Variants in DVL1 observed in about 807,000 individuals in gnomAD.
The protein encoded by DVL1 is segment polarity protein dishevelled homolog DVL-1.
DVL1 carries 49 observed loss-of-function variants against 65.0 expected under a neutral mutation model. The observed-to-expected ratio is 0.75, with a 90% CI of 0.60 to 0.96. DVL1 has a LOEUF of 0.96. Among genes scored for constraint, DVL1 ranks in the 40% least tolerant of loss-of-function variants. DVL1 has a pLI of 0.00. For synonymous variants in DVL1, 608 were observed against 433.9 expected (o/e 1.40, Z -4.99); for missense variants, 1,197 against 1,045.4 (o/e 1.15, Z -2.00).
chr1:1,339,502 A>G lies in DVL1; in HGVS notation c.1055-63T>C, dbSNP rs1569696751. ...TGGACAGGGTGGGAGGGCAGGGTGC[A>G]GGGCACAGAGGAGAGAGGCCTTCAG... On this transcript the variant is annotated intron_variant, in intron 10 of 14. Transcript: ENST00000378888. The G allele has an allele frequency of 2.6e-6, 4 of 1,546,842 alleles. No homozygotes were observed. The South Asian group carries it at 4.8e-5, about 18-fold the overall frequency.
chr1:1,338,760 A>G (rs1350599295), intron 11 of DVL1, 107 bp from the exon 12 acceptor site: 2 of 1,471,320 alleles, frequency 1.4e-6, no homozygotes, highest in South Asian at 2.7e-5. Context: ...CCAGGGCGCA[A>G]GCTGGACGGT....
intron 13 of DVL1, 34 bp downstream of exon 13, chr1:1,338,235 C>CCCCCCCCCCCCAA: frequency 1.3e-6 from 2 of 1,517,860 alleles, no homozygotes; most frequent in Non-Finnish European, 1.8e-6. Context: ...GCGTTCCCCT[C>CCCCCCCCCCCCAA]CCCCCCGCCC....
chr1:1,348,822 C>A, intron 1 of DVL1, 74 bp downstream of exon 1: 1 of 1,345,494 alleles, frequency 7.4e-7, no homozygotes, highest in African/African-American at 1.6e-5. Flanking sequence ...TCAGGACCCC[C>A]GCCCCGTCCC....
In DVL1 at chr1:1,340,116, G is replaced by A. The variant is rs775197227; in HGVS notation, c.831C>T (p.Gly277=). The A allele has an allele frequency of 1.9e-5, 31 of 1,613,508 alleles. 1 individual carries two copies. The highest frequency in any genetic ancestry group is 1.6e-4 in the South Asian group (15 of 91,088). The change falls in exon 8 of 15, where the codon GGC becomes GGT. Residue 277 remains glycine (G), a synonymous_variant. Coordinates refer to ENST00000378888, the MANE Select transcript of DVL1 (RefSeq NM_001330311.2). ...VGQSNDRGDG[G]IYIGSIMKGG... is the part of the protein sequence containing the mutation. ...CCTTCATGATGGAGCCAATGTAGAT[G>A]CCGCCGTCTCCACGGTCGTTGCTCT...
intron 11 of DVL1, among the ~76,000 whole-genome samples, chr1:1,338,918 G>C (rs927249339): frequency 1.3e-5 from 2 of 152,242 alleles, no homozygotes; most frequent in African/African-American, 4.8e-5. Context: ...CCACCCTGCA[G>C]ACCAGGAAGT....
At chr1:1,344,063 G>A (rs188973220) in intron 1 of DVL1, among the ~76,000 whole-genome samples, 1 of 152,236 alleles carries the variant, frequency 6.6e-6, no homozygotes, top group Non-Finnish European at 1.5e-5. Flanking sequence ...AGAGGGGATG[G>A]CTGGGCAGGG....
Position 1,339,595 on chromosome 1 carries a change from G to A in DVL1, c.1041C>T (p.Phe347=). The part of the protein sequence containing the change: ...KCWDPTPRSY[F]TVPRADPVRP... Reference sequence around the variant, plus strand: ...AGGGCCACTCACCCCGTGGGACGGTGAAGTAGCTTCGGGGCGTTGGGTCCC... The same window carrying A: ...AGGGCCACTCACCCCGTGGGACGGTAAAGTAGCTTCGGGGCGTTGGGTCCC... Residue 347 remains phenylalanine, a synonymous_variant, in exon 10 of 15, where the codon TTC becomes TTT. Transcript: ENST00000378888. 1 of 1,607,496 alleles carries A rather than the reference G, an allele frequency of 6.2e-7. No homozygotes were observed. Among genetic ancestry groups the A allele is most frequent in the South Asian group, 1.1e-5 (1 of 90,640 alleles).
chr1:1,347,677 C>T (rs1011166558), intron 1 of DVL1, among the ~76,000 whole-genome samples: 3 of 152,242 alleles, frequency 2.0e-5, no homozygotes, highest in Non-Finnish European at 2.9e-5. Context: ...AGCCCAGGCC[C>T]AGAGAAGCAG....
At position 1,337,777 on chromosome 1, in the gene DVL1, G is replaced by A. The variant is rs1188743376; in HGVS notation, c.1714+200C>T. The A allele has an allele frequency of 8.5e-6, 6 of 704,686 alleles. No homozygotes were observed. In the South Asian group the frequency reaches 9.0e-5, roughly 11 times the overall value. 43.7% of individuals were successfully genotyped at this position (704,686 alleles called of 1,614,324 possible). On this transcript the variant is annotated intron_variant, in intron 14 of 14. Coordinates refer to ENST00000378888, the MANE Select transcript of DVL1 (RefSeq NM_001330311.2). ...CCCTGGCACTTGCCTTTTCCAGAAG[G>A]AGCCCACCCAGGGCCCAAGTACACA...
intron 8 of DVL1, 34 bp from the exon 9 acceptor site, chr1:1,339,846 G>A (rs1467522951): frequency 1.3e-6 from 2 of 1,516,856 alleles, no homozygotes; most frequent in East Asian, 2.5e-5. Flanking sequence ...GTGCAGGCAG[G>A]ATGTGCAGCT....
At chr1:1,341,637 G>T in intron 5 of DVL1, 30 bp downstream of exon 5, 1 of 1,577,192 alleles carries the variant, frequency 6.3e-7, no homozygotes, top group Non-Finnish European at 8.7e-7. Flanking sequence ...GGGCACACAG[G>T]CATACACGCC....
Position 1,335,634 on chromosome 1 carries a change from C to G in DVL1, c.*508G>C, listed in dbSNP as rs541500383. On this transcript the variant is annotated 3_prime_UTR_variant, in exon 15 of 15. Coordinates refer to ENST00000378888, the MANE Select transcript of DVL1 (RefSeq NM_001330311.2). ...CCTCCACGTACTTTCAGACTGTTGC[C>G]GGATGGGAGGAGAGAAGGTGCAGGC... 6.4e-6 allele frequency: 1 copy of G among 156,254 alleles called. No homozygotes were observed. The highest frequency in any genetic ancestry group is 1.4e-5 in the Non-Finnish European group (1 of 70,416). The allele number at this position is 156,254 out of a possible 1,614,324, so 9.7% of individuals were successfully genotyped here.
At chr1:1,347,832 C>A (rs902837518) in intron 1 of DVL1, among the ~76,000 whole-genome samples, 1 of 152,194 alleles carries the variant, frequency 6.6e-6, no homozygotes, top group Non-Finnish European at 1.5e-5. Context: ...GCCAAGGACG[C>A]ACCCTGCCCT....
At chr1:1,338,759 AAGCTGGACGGTGCGTGAC>A in intron 11 of DVL1, 106 bp from the exon 12 acceptor site, 12 of 1,476,208 alleles carry the variant, frequency 8.1e-6, no homozygotes, top group Non-Finnish European at 1.1e-5. Flanking sequence ...GCCAGGGCGC[AAGCTGGACGGTGCGTGAC>A]AGCAGGGCCC....
intron 1 of DVL1, among the ~76,000 whole-genome samples, chr1:1,344,805 G>A (rs893843361): frequency 3.3e-5 from 5 of 152,168 alleles, no homozygotes; most frequent in Non-Finnish European, 7.4e-5. Flanking sequence ...CCGCCAGGGG[G>A]CCAGGGCCCA....
In DVL1 at chr1:1,339,313, A is replaced by G; in HGVS notation, c.1181T>C (p.Leu394Pro). The G allele has an allele frequency of 6.5e-7, 1 of 1,548,538 alleles. No individual in the cohort carries two copies. The highest frequency in any genetic ancestry group is 8.7e-7 in the Non-Finnish European group (1 of 1,146,878). ...TGGAGCACCAGGCACGGAGCTGGTT[A>G]GTGAGGAGGAGCTGGTGCGCGTGAC... ...SAVTRTSSSS[L>P]TSSVPGAPQL... is the part of the protein sequence containing the mutation. Residue 394 changes from leucine to proline, a missense_variant, in exon 11 of 15, where the codon CTA becomes CCA. By Grantham distance (98) the Leu-to-Pro change is moderately conservative. Coordinates refer to ENST00000378888, the MANE Select transcript of DVL1 (RefSeq NM_001330311.2).
chr1:1,348,350 C>T (rs760158026), intron 1 of DVL1, among the ~76,000 whole-genome samples: 5 of 152,216 alleles, frequency 3.3e-5, no homozygotes, highest in Non-Finnish European at 5.9e-5. Context: ...AAGCTCAGGA[C>T]ACGGGTAGGC....
In DVL1 at chr1:1,345,557, C is replaced by A. The variant is rs961947806; in HGVS notation, c.171-2799G>T. Among the ~76,000 whole-genome samples, 9 of 152,228 alleles carry A rather than the reference C, an allele frequency of 5.9e-5. No homozygotes were observed. The East Asian group carries it at 1.7e-3, about 29-fold the overall frequency. On this transcript the variant is annotated intron_variant, in intron 1 of 14. Transcript: ENST00000378888. ...CGGCAGCTGCCAGGGGCGCCCCTGCCGGCACTGTGCCCCCACCTTGGGATT... is the reference window on the plus strand; with the variant it reads ...CGGCAGCTGCCAGGGGCGCCCCTGCAGGCACTGTGCCCCCACCTTGGGATT...
chr1:1,349,104 G>C lies in DVL1; in HGVS notation c.-39C>G, dbSNP rs780589096. On this transcript the variant is annotated 5_prime_UTR_variant, in exon 1 of 15. Coordinates refer to ENST00000378888, the MANE Select transcript of DVL1 (RefSeq NM_001330311.2). This position sits in a 1 kb window ranked among gnomAD's most constrained non-coding sequence, Gnocchi z 4.1. The stretch of plus-strand genomic sequence containing the variant: ...CGCGGAGCCCGCGCGCTCAGGGCCC[G>C]GCCCGGGGCTCGGACGCGGGGCGCT... 5.0e-6 allele frequency: 6 copies of C among 1,207,062 alleles called. No homozygotes were observed. In the Admixed American group the frequency reaches 2.8e-4, roughly 57 times the overall value. 74.8% of individuals were successfully genotyped at this position (1,207,062 alleles called of 1,614,324 possible).
Sources: gnomAD v4.1 joint callset for allele counts (sites outside exome capture counted in the v4.1 genomes callset) on GRCh38, gnomAD v4.1.1 for gene constraint, Gnocchi (gnomAD v3.1) non-coding constraint, MANE v1.5 for transcripts, NCBI Gene and HGNC (gene_info 2026-07-23, HGNC 2026-07-21) for gene names.